Variants in ANKH observed in about 807,000 individuals in gnomAD.
The protein encoded by ANKH is ANKH inorganic pyrophosphate transport regulator.
Under a neutral mutation model 49.0 loss-of-function variants are expected in ANKH, and 15 were observed. The observed-to-expected ratio is 0.31, with a 90% CI of 0.20 to 0.47. The LOEUF is 0.47. Ranked by LOEUF, ANKH falls within the 20% of genes least tolerant of loss-of-function variation. ANKH has a pLI of 1.00. For synonymous variants in ANKH, 273 were observed against 260.0 expected (o/e 1.05, Z -0.48); for missense variants, 429 against 652.0 (o/e 0.66, Z 3.72).
chr5:14,798,006 T>C (rs1740446091), intron 1 of ANKH: 4 of 1,567,328 alleles, frequency 2.6e-6, no homozygotes, highest in Non-Finnish European at 3.5e-6. Context: ...CTGGGGCATA[T>C]AACGGGCCCT....
intron 1 of ANKH, among the ~76,000 whole-genome samples, chr5:14,816,091 C>T (rs528592580): frequency 5.3e-5 from 8 of 152,206 alleles, no homozygotes; most frequent in Non-Finnish European, 1.0e-4. Context: ...TCCTGACCCA[C>T]AAAACATCCC....
chr5:14,850,564 C>G (rs183924068), intron 1 of ANKH, among the ~76,000 whole-genome samples: 11 of 152,374 alleles, frequency 7.2e-5, no homozygotes, highest in Admixed American at 6.5e-4. Context: ...CCTCAGCCCC[C>G]CTCCGGGGTT....
At chr5:14,749,380 C>T (rs1580032976) in intron 5 of ANKH, 74 bp from the exon 6 acceptor site, 12 of 1,545,952 alleles carry the variant, frequency 7.8e-6, no homozygotes, top group Non-Finnish European at 9.8e-6. Flanking sequence ...AGAATCAAAG[C>T]TTTTCCTTCG....
chr5:14,853,302 G>C (rs543795834), intron 1 of ANKH, among the ~76,000 whole-genome samples: 1 of 152,314 alleles, frequency 6.6e-6, no homozygotes, highest in South Asian at 2.1e-4. Context: ...GTGGTCAGGT[G>C]TGGTGGCTCA....
At chr5:14,869,610 G>C (rs1282409099) in intron 1 of ANKH, 1 of 152,228 alleles carries the variant, frequency 6.6e-6, no homozygotes, top group Admixed American at 6.5e-5. Context: ...AAACCATCTG[G>C]ATAGTTGTCT....
intron 1 of ANKH, among the ~76,000 whole-genome samples, chr5:14,803,954 G>A (rs974658706): frequency 2.6e-5 from 4 of 152,030 alleles, no homozygotes; most frequent in East Asian, 1.9e-4. Flanking sequence ...GGAGTGCAAC[G>A]GCGCGGTATC....
intron 4 of ANKH, among the ~76,000 whole-genome samples, chr5:14,751,468 G>GA (rs1224439665): frequency 9.9e-5 from 15 of 152,282 alleles, no homozygotes; most frequent in Admixed American, 9.8e-4. Context: ...TACCCACCAT[G>GA]AAAATTCTTT....
At chr5:14,824,114 C>T (rs1741273366) in intron 1 of ANKH, among the ~76,000 whole-genome samples, 1 of 152,090 alleles carries the variant, frequency 6.6e-6, no homozygotes, top group Non-Finnish European at 1.5e-5. Context: ...ATCTCCACAG[C>T]CATAGAGGCT....
At chr5:14,859,746 C>G (rs1046889897) in intron 1 of ANKH, among the ~76,000 whole-genome samples, 3 of 152,172 alleles carry the variant, frequency 2.0e-5, no homozygotes, top group African/African-American at 7.2e-5. Flanking sequence ...GGATTACACA[C>G]AGGTACGCAT....
At chr5:14,771,936 A>AAC (rs1580055546) in intron 1 of ANKH, among the ~76,000 whole-genome samples, 8 of 117,260 alleles carry the variant, frequency 6.8e-5, no homozygotes, top group South Asian at 3.1e-4. Context: ...AAAAAAAAAA[A>AAC]AAAAAAAAAA....
chr5:14,818,774 C>T (rs933115096), intron 1 of ANKH, among the ~76,000 whole-genome samples: 4 of 151,852 alleles, frequency 2.6e-5, no homozygotes, highest in Non-Finnish European at 5.9e-5. Flanking sequence ...CAATTCTGCC[C>T]TTGATTCTTT....
intron 1 of ANKH, among the ~76,000 whole-genome samples, chr5:14,832,733 T>C (rs766271820): frequency 6.6e-5 from 10 of 152,246 alleles, no homozygotes; most frequent in African/African-American, 9.6e-5. Context: ...TTTGTTGGGC[T>C]GTTACAAATA....
At chr5:14,785,686 T>A (rs1236628041) in intron 1 of ANKH, among the ~76,000 whole-genome samples, 1 of 152,156 alleles carries the variant, frequency 6.6e-6, no homozygotes, top group Non-Finnish European at 1.5e-5. Context: ...GTAGGAAAAT[T>A]TTAATATAAA....
intron 11 of ANKH, 48 bp downstream of exon 11, chr5:14,712,826 A>G: frequency 1.3e-6 from 2 of 1,535,376 alleles, no homozygotes; most frequent in Non-Finnish European, 1.8e-6. Context: ...GTTCTCCTGC[A>G]CCCAGGAGGA....
chr5:14,845,368 T>TA (rs1561081247), intron 1 of ANKH, among the ~76,000 whole-genome samples: 1,561 of 20,098 alleles, frequency 0.078, 26 homozygotes, highest in African/African-American at 0.13. Context: ...ATATATATAT[T>TA]TTTTTTTTTA....
intron 1 of ANKH, among the ~76,000 whole-genome samples, chr5:14,823,030 T>C (rs1580095821): frequency 6.7e-6 from 1 of 149,116 alleles, no homozygotes; most frequent in Admixed American, 6.6e-5. Flanking sequence ...CCAGACTCCG[T>C]CTCAAAAAAA....
At position 14,849,986 on chromosome 5, in the gene ANKH, G is replaced by A. The variant is rs144552846; in HGVS notation, c.96+21366C>T. On this transcript the variant is annotated intron_variant, in intron 1 of 11. Coordinates refer to ENST00000284268, the MANE Select transcript of ANKH (RefSeq NM_054027.6). ...GTTAAACCTGCTCCTAACCAGCACC[G>A]CTTCAGTACTCAAATCACCCTGACC... Among the ~76,000 whole-genome samples the A allele has an allele frequency of 2.4e-3, 360 of 152,188 alleles. 3 individuals carry two copies. The highest frequency in any genetic ancestry group is 8.2e-3 in the African/African-American group (340 of 41,510).
At position 14,814,577 on chromosome 5, in the gene ANKH, G is replaced by T. The variant is rs565422699; in HGVS notation, c.97-45386C>A. Among the ~76,000 whole-genome samples the T allele has an allele frequency of 5.9e-5, 9 of 152,356 alleles. No individual in the cohort carries two copies. The South Asian group carries it at 1.9e-3, about 32-fold the overall frequency. ...GCCATGATTGTGCCACTGCACTCCA[G>T]CCTGGGCAATGCAGTGAGACCTTGT... On this transcript the variant is annotated intron_variant, in intron 1 of 11. Coordinates refer to ENST00000284268, the MANE Select transcript of ANKH (RefSeq NM_054027.6).
At chr5:14,782,239 C>T (rs753406089) in intron 1 of ANKH, among the ~76,000 whole-genome samples, 6 of 152,148 alleles carry the variant, frequency 3.9e-5, no homozygotes, top group Non-Finnish European at 7.3e-5. Context: ...ATGATGATCT[C>T]AGCAACTAGC....
Sources: allele counts gnomAD v4.1 joint callset (sites outside exome capture counted in the v4.1 genomes callset), GRCh38; gene constraint gnomAD v4.1.1; transcripts MANE v1.5; gene names NCBI Gene and HGNC (gene_info 2026-07-23, HGNC 2026-07-21).